Variants in RARB observed in about 807,000 individuals in gnomAD.
The protein encoded by RARB is HBV-activated protein.
A neutral mutation model predicts 51.9 loss-of-function variants in RARB; 17 were observed. That is an observed-to-expected ratio of 0.33 (90% CI 0.22 to 0.49). RARB has a LOEUF of 0.49. Ranked by LOEUF, RARB falls within the 20% of genes least tolerant of loss-of-function variation. RARB has a pLI of 0.99. For missense variants in RARB, 369 were observed against 550.8 expected (o/e 0.67, Z 3.30); for synonymous variants, 215 against 195.4 (o/e 1.10, Z -0.84).
rs563630876 is a variant in RARB, at chr3:25,231,090, G to A, written c.178+56515G>A. Among the ~76,000 whole-genome samples, 36 of 152,152 alleles carry A rather than the reference G, an allele frequency of 2.4e-4. 1 individual carries two copies. The highest frequency in any genetic ancestry group is 2.2e-3 in the Admixed American group (33 of 15,274). On this transcript the variant is annotated intron_variant, in intron 5 of 11. Transcript: ENST00000383772. ...TGTTTTATTGGCTTGGAGCTCCTGA[G>A]GATAATCCCTCCTTAAACAAGCAAA... is the stretch of plus-strand genomic sequence containing the variant.
chr3:25,201,860 G>C (rs201410549), intron 5 of RARB, among the ~76,000 whole-genome samples: 1 of 151,916 alleles, frequency 6.6e-6, no homozygotes, highest in East Asian at 1.9e-4. Context: ...TTTTTGCATC[G>C]ATGTTCATCA....
At chr3:25,105,215 C>T (rs145627708) in intron 3 of RARB, among the ~76,000 whole-genome samples, 3 of 149,696 alleles carry the variant, frequency 2.0e-5, no homozygotes, top group African/African-American at 7.4e-5. Flanking sequence ...TCCTGAATCC[C>T]CACAGAGCAT....
intron 2 of RARB, among the ~76,000 whole-genome samples, chr3:24,936,190 A>G (rs1695544691): frequency 6.6e-6 from 1 of 152,138 alleles, no homozygotes; most frequent in Non-Finnish European, 1.5e-5. Context: ...GAATGGGTGC[A>G]AGCGCTTCGT....
chr3:25,178,146 T>C (rs868598372), intron 5 of RARB, among the ~76,000 whole-genome samples: 17 of 151,962 alleles, frequency 1.1e-4, no homozygotes, highest in African/African-American at 3.9e-4. Flanking sequence ...TTTCCGAAGG[T>C]CTGTTCTCAA....
chr3:25,334,610 G>A (rs9842356), intron 5 of RARB, among the ~76,000 whole-genome samples: 29,732 of 151,880 alleles, frequency 0.2, 3,113 homozygotes, highest in African/African-American at 0.27. Flanking sequence ...GCACACCAAC[G>A]TGGCACATGT....
intron 2 of RARB, among the ~76,000 whole-genome samples, chr3:24,877,592 T>A (rs1337131301): frequency 6.6e-6 from 1 of 152,072 alleles, no homozygotes; most frequent in Non-Finnish European, 1.5e-5. Context: ...CAGCTGAGGT[T>A]TGAAATACCA....
intron 3 of RARB, among the ~76,000 whole-genome samples, chr3:25,520,675 C>T (rs1044030125): frequency 9.2e-5 from 14 of 152,094 alleles, no homozygotes; most frequent in African/African-American, 1.4e-4. Flanking sequence ...GTGACACTAG[C>T]GTTGGAACAG....
intron 3 of RARB, among the ~76,000 whole-genome samples, chr3:25,517,161 G>T (rs1004061413): frequency 1.3e-5 from 2 of 152,160 alleles, no homozygotes; most frequent in African/African-American, 4.8e-5. Flanking sequence ...AACTAATGGG[G>T]TTGGTTATCT....
At chr3:25,279,579 T>TAA (rs112935948) in intron 5 of RARB, among the ~76,000 whole-genome samples, 3 of 142,998 alleles carry the variant, frequency 2.1e-5, no homozygotes, top group African/African-American at 7.6e-5. Context: ...ACTGATCTAT[T>TAA]AAAAAAAAAA....
At chr3:25,411,135 C>A (rs1707551246) in intron 5 of RARB, among the ~76,000 whole-genome samples, 3 of 152,158 alleles carry the variant, frequency 2.0e-5, no homozygotes, top group Admixed American at 2.0e-4. Flanking sequence ...ATCAGCATAA[C>A]ATCTTAATAA....
chr3:24,849,250 G>A (rs959938726), intron 1 of RARB, among the ~76,000 whole-genome samples: 1 of 152,112 alleles, frequency 6.6e-6, no homozygotes, highest in African/African-American at 2.4e-5. Context: ...TCAAAATATG[G>A]CATTGTACTA....
intron 3 of RARB, among the ~76,000 whole-genome samples, chr3:25,517,940 G>A (rs931279437): frequency 6.6e-6 from 1 of 152,054 alleles, no homozygotes; most frequent in African/African-American, 2.4e-5. Flanking sequence ...GTCCAGAAAG[G>A]GCAAATCCAT....
At chr3:24,914,112 C>G (rs1394743003) in intron 2 of RARB, among the ~76,000 whole-genome samples, 1 of 152,210 alleles carries the variant, frequency 6.6e-6, no homozygotes, top group Admixed American at 6.5e-5. Flanking sequence ...GAAAGGATCA[C>G]AGATGGAAAA....
chr3:25,416,617 G>T (rs766042591), intron 5 of RARB, among the ~76,000 whole-genome samples: 23 of 152,148 alleles, frequency 1.5e-4, no homozygotes, highest in Non-Finnish European at 3.1e-4. Flanking sequence ...TTGCCACTAC[G>T]ATCACGCAGC....
intron 3 of RARB, among the ~76,000 whole-genome samples, chr3:25,101,226 A>T (rs1168956251): frequency 6.6e-6 from 1 of 152,184 alleles, no homozygotes; most frequent in Non-Finnish European, 1.5e-5. Context: ...GTCTCAGAAA[A>T]GATGCTTGAT....
chr3:25,596,460 A>G lies in RARB; in HGVS notation c.1191A>G (p.Gly397=). 6.2e-7 allele frequency: 1 copy of G among 1,613,666 alleles called. No individual in the cohort carries two copies. ...TTACCTTGAAAATGGAAATTCCTGGATCAATGCCACCTCTCATTCAAGAAA... is the reference window on the plus strand; with the variant it reads ...TTACCTTGAAAATGGAAATTCCTGGGTCAATGCCACCTCTCATTCAAGAAA... The part of the protein sequence containing the change: ...RVITLKMEIP[G]SMPPLIQEML... Residue 397 remains glycine, a synonymous_variant, in exon 8 of 8, where the codon GGA becomes GGG. Coordinates refer to ENST00000330688, the MANE Select transcript of RARB (RefSeq NM_000965.5).
chr3:24,908,852 T>C (rs73823028), intron 2 of RARB, among the ~76,000 whole-genome samples: 1,577 of 152,158 alleles, frequency 0.01, 26 homozygotes, highest in African/African-American at 0.032. Flanking sequence ...ATTTAAATTT[T>C]TTCCCCAGTT....
intron 3 of RARB, among the ~76,000 whole-genome samples, chr3:25,120,422 A>G (rs1351936268): frequency 1.3e-5 from 2 of 152,108 alleles, no homozygotes; most frequent in Non-Finnish European, 2.9e-5. Context: ...ACCATCTTTT[A>G]AAAAATGTTT....
At chr3:25,419,228 C>G (rs1707792443) in intron 5 of RARB, among the ~76,000 whole-genome samples, 1 of 152,106 alleles carries the variant, frequency 6.6e-6, no homozygotes, top group Admixed American at 6.5e-5. Context: ...GGGAGGGCAT[C>G]TCTGACATGA....
Sources: gnomAD v4.1 joint callset for allele counts (sites outside exome capture counted in the v4.1 genomes callset) on GRCh38, gnomAD v4.1.1 for gene constraint, MANE v1.5 for transcripts, NCBI Gene and HGNC (gene_info 2026-07-23, HGNC 2026-07-21) for gene names.